SNTB1: variants seen among roughly 807,000 people sequenced by gnomAD.
SNTB1 encodes the protein syntrophin beta 1.
Under a neutral mutation model 48.9 loss-of-function variants are expected in SNTB1, and 36 were observed. That is an observed-to-expected ratio of 0.74 (90% CI 0.56 to 0.97). The LOEUF (loss-of-function observed/expected upper bound fraction) is 0.97, where lower values mean the gene tolerates loss of function less well. Ranked by LOEUF, SNTB1 falls within the 50% of genes least tolerant of loss-of-function variation. The pLI is 0.00. For synonymous variants in SNTB1, 299 were observed against 294.6 expected (o/e 1.01, Z -0.15); for missense variants, 786 against 703.4 (o/e 1.12, Z -1.33).
At chr8:120,560,559 GTCTCAGA>G (rs1815635901) in intron 4 of SNTB1, among the ~76,000 whole-genome samples, 1 of 152,208 alleles carries the variant, frequency 6.6e-6, no homozygotes, top group African/African-American at 2.4e-5. Context: ...AAGATCCCAT[GTCTCAGA>G]AAGTTGATAT....
At chr8:120,698,569 T>A (rs1171715339) in intron 1 of SNTB1, among the ~76,000 whole-genome samples, 1 of 152,108 alleles carries the variant, frequency 6.6e-6, no homozygotes, top group Admixed American at 6.5e-5. Flanking sequence ...AAAAGAAGAT[T>A]GCCATTGGAT....
chr8:120,798,396 A>G (rs1820158100), intron 1 of SNTB1, among the ~76,000 whole-genome samples: 1 of 152,030 alleles, frequency 6.6e-6, no homozygotes, highest in Admixed American at 6.6e-5. Flanking sequence ...ATGTCTGAAG[A>G]CACTTTGGTT....
intron 2 of SNTB1, among the ~76,000 whole-genome samples, chr8:120,649,852 T>C (rs9297622): frequency 0.4 from 60,599 of 151,436 alleles, 13,208 homozygotes; most frequent in Non-Finnish European, 0.49. Flanking sequence ...GAGCCAGGTG[T>C]GGGATATAAT....
intron 1 of SNTB1, among the ~76,000 whole-genome samples, chr8:120,731,954 TG>T (rs1818859089): frequency 6.6e-6 from 1 of 152,156 alleles, no homozygotes; most frequent in South Asian, 2.1e-4. Context: ...TTCATGGGAA[TG>T]GGGGTAGTGT....
At chr8:120,595,711 G>A (rs1587016110) in intron 3 of SNTB1, among the ~76,000 whole-genome samples, 1 of 152,120 alleles carries the variant, frequency 6.6e-6, no homozygotes, top group East Asian at 1.9e-4. Flanking sequence ...AGCCTCCCGA[G>A]TAGCTGGGAT....
intron 2 of SNTB1, among the ~76,000 whole-genome samples, chr8:120,662,611 CCTT>C (rs1429198116): frequency 6.6e-6 from 1 of 152,098 alleles, no homozygotes; most frequent in African/African-American, 2.4e-5. Context: ...GCCAGGGAGA[CCTT>C]CTGAGCTCCT....
At chr8:120,584,127 A>T (rs1816095639) in intron 3 of SNTB1, among the ~76,000 whole-genome samples, 1 of 151,832 alleles carries the variant, frequency 6.6e-6, no homozygotes, top group Non-Finnish European at 1.5e-5. Flanking sequence ...CCAACATGAC[A>T]AAACGCTATC....
chr8:120,709,103 G>A (rs981981830), intron 1 of SNTB1, among the ~76,000 whole-genome samples: 4 of 152,022 alleles, frequency 2.6e-5, no homozygotes, highest in African/African-American at 4.8e-5. Context: ...AAGGAAGGAG[G>A]GAGGGAGAAA....
At chr8:120,767,544 G>A (rs980897257) in intron 1 of SNTB1, among the ~76,000 whole-genome samples, 1 of 152,178 alleles carries the variant, frequency 6.6e-6, no homozygotes, top group Non-Finnish European at 1.5e-5. Context: ...GGATCTAGTG[G>A]TATAGCTGTT....
At chr8:120,569,312 C>T (rs1815805179) in intron 4 of SNTB1, among the ~76,000 whole-genome samples, 1 of 152,204 alleles carries the variant, frequency 6.6e-6, no homozygotes, top group African/African-American at 2.4e-5. Flanking sequence ...CACAGTGATG[C>T]ACTGAAGAGG....
At chr8:120,595,999 G>A (rs916212961) in intron 3 of SNTB1, among the ~76,000 whole-genome samples, 4 of 152,118 alleles carry the variant, frequency 2.6e-5, no homozygotes, top group Admixed American at 2.0e-4. Context: ...TGATCAATAT[G>A]TTGAGCTGCT....
At chr8:120,686,707 C>A (rs1818040260) in intron 2 of SNTB1, among the ~76,000 whole-genome samples, 1 of 152,026 alleles carries the variant, frequency 6.6e-6, no homozygotes, top group Non-Finnish European at 1.5e-5. Flanking sequence ...GGATTTAAAC[C>A]CATATTTTCC....
At chr8:120,571,280 G>C (rs956851118) in intron 4 of SNTB1, 1 of 1,285,860 alleles carries the variant, frequency 7.8e-7, no homozygotes, top group Non-Finnish European at 1.0e-6. Context: ...TTAGTAACTG[G>C]AATCCAGTGA....
At chr8:120,702,817 C>G (rs927712556) in intron 1 of SNTB1, among the ~76,000 whole-genome samples, 29 of 152,206 alleles carry the variant, frequency 1.9e-4, no homozygotes, top group African/African-American at 7.0e-4. Context: ...CACATCCCAG[C>G]TCTGTCACCT....
chr8:120,696,100 A>T (rs1053396200), intron 1 of SNTB1, among the ~76,000 whole-genome samples: 3 of 152,208 alleles, frequency 2.0e-5, no homozygotes, highest in African/African-American at 7.2e-5. Context: ...TTTTAGTAGA[A>T]GCTAGTACAC....
rs530562384 is a variant in SNTB1, at chr8:120,610,957, C to T, written c.996+21487G>A. ...CTGACTACTACCTACTGTAACACTT[C>T]CCCCCTCAAGATTCCAAGACCCCAA... On this transcript the variant is annotated intron_variant, in intron 3 of 6. Transcript: ENST00000517992. 5.3e-4 allele frequency among the ~76,000 whole-genome samples: 80 copies of T among 152,248 alleles called. No homozygotes were observed. In the South Asian group the frequency reaches 0.016, roughly 30 times the overall value.
intron 2 of SNTB1, among the ~76,000 whole-genome samples, chr8:120,640,362 C>T (rs1174303402): frequency 6.6e-6 from 1 of 152,138 alleles, no homozygotes; most frequent in East Asian, 1.9e-4. Flanking sequence ...TAATTGAATA[C>T]CCTTTATTTC....
intron 4 of SNTB1, chr8:120,570,252 A>G (rs949838558): frequency 5.3e-5 from 8 of 152,088 alleles, no homozygotes; most frequent in Non-Finnish European, 5.9e-5. Flanking sequence ...ATTTTTATTT[A>G]TTTATTTTTC....
chr8:120,589,922 A>C (rs1230492243), intron 3 of SNTB1, among the ~76,000 whole-genome samples: 1 of 152,174 alleles, frequency 6.6e-6, no homozygotes, highest in Non-Finnish European at 1.5e-5. Flanking sequence ...TATTTCCTAA[A>C]ATAACTCCAA....
Sources: gnomAD v4.1 joint callset for allele counts (sites outside exome capture counted in the v4.1 genomes callset) on GRCh38, gnomAD v4.1.1 for gene constraint, MANE v1.5 for transcripts, NCBI Gene and HGNC (gene_info 2026-07-23, HGNC 2026-07-21) for gene names.